The following NAV3 variants were observed in gnomAD, a reference collection of about 807,000 sequenced individuals.
The protein encoded by NAV3 is neuron navigator 3, also known as pore membrane and/or filament interacting like protein 1.
A neutral mutation model predicts 244.7 loss-of-function variants in NAV3; 87 were observed. The ratio of observed to expected loss-of-function variants is 0.36; its 90% CI spans 0.30 to 0.42. The LOEUF (loss-of-function observed/expected upper bound fraction) is 0.42. Among genes scored for constraint, NAV3 ranks in the 20% least tolerant of loss-of-function variants. The pLI, the probability that NAV3 is intolerant of heterozygous loss-of-function variation, is 1.00. For synonymous variants in NAV3, 1,126 were observed against 1,042.2 expected (o/e 1.08, Z -1.55); for missense variants, 2,663 against 2,893.3 (o/e 0.92, Z 1.83).
chr12:77,994,857 A>G lies in NAV3; in HGVS notation c.726A>G (p.Gln242=). The change falls in exon 6 of 40, where the codon CAA becomes CAG. Residue 242 remains glutamine, a synonymous_variant. Coordinates refer to ENST00000397909, the MANE Select transcript of NAV3 (RefSeq NM_001024383.2). The part of the protein sequence containing the change: ...QSNHSGIATS[Q]KKPTRLPGPS... Reference sequence around the variant, plus strand: ...ATCACAGTGGAATTGCAACCAGTCAAAAAAAGCCTACTAGGTCAGTTAATA... The same window carrying G: ...ATCACAGTGGAATTGCAACCAGTCAGAAAAAGCCTACTAGGTCAGTTAATA... The G allele has an allele frequency of 6.2e-7, 1 of 1,608,934 alleles. No individual in the cohort carries two copies. The highest frequency in any genetic ancestry group is 8.5e-7 in the Non-Finnish European group (1 of 1,177,056).
intron 2 of NAV3, among the ~76,000 whole-genome samples, chr12:77,673,028 G>T (rs545131892): frequency 3.8e-4 from 58 of 152,242 alleles, no homozygotes; most frequent in African/African-American, 1.4e-3. Flanking sequence ...AATTCTTAGT[G>T]TTGTAGAAAG....
At chr12:77,971,833 C>T (rs1218108140) in intron 5 of NAV3, among the ~76,000 whole-genome samples, 1 of 152,040 alleles carries the variant, frequency 6.6e-6, no homozygotes, top group Admixed American at 6.6e-5. Context: ...TCTTAGGGCA[C>T]ATTGTTTCAG....
intron 2 of NAV3, among the ~76,000 whole-genome samples, chr12:77,617,622 G>A (rs1208263237): frequency 2.0e-5 from 3 of 152,218 alleles, no homozygotes; most frequent in Non-Finnish European, 4.4e-5. Context: ...AAGGAGACAG[G>A]AGGGATCCTC....
intron 1 of NAV3, among the ~76,000 whole-genome samples, chr12:77,869,763 T>C (rs1316338578): frequency 6.6e-6 from 1 of 152,226 alleles, no homozygotes; most frequent in African/African-American, 2.4e-5. Flanking sequence ...ATATTTATTG[T>C]TTTAATTATC....
intron 1 of NAV3, among the ~76,000 whole-genome samples, chr12:77,903,353 A>T (rs1885547633): frequency 6.6e-6 from 1 of 152,186 alleles, no homozygotes. Flanking sequence ...ATCTACAACC[A>T]TCTGATCTTT....
chr12:78,050,351 C>T (rs1351403302), intron 10 of NAV3, among the ~76,000 whole-genome samples: 1 of 152,034 alleles, frequency 6.6e-6, no homozygotes, highest in South Asian at 2.1e-4. Flanking sequence ...CTGCAACTAC[C>T]ACCATCACTG....
intron 1 of NAV3, among the ~76,000 whole-genome samples, chr12:77,904,406 A>G (rs1472093653): frequency 1.3e-5 from 2 of 152,150 alleles, no homozygotes; most frequent in African/African-American, 4.8e-5. Flanking sequence ...AAAAAACCAA[A>G]CACCGCATGT....
intron 12 of NAV3, chr12:78,088,762 C>T (rs1953769385): frequency 6.6e-6 from 1 of 152,136 alleles, no homozygotes; most frequent in African/African-American, 2.4e-5. Context: ...AGATGGGCTG[C>T]TTACCCAGAA....
At chr12:77,840,194 C>A (rs942008459) in intron 1 of NAV3, among the ~76,000 whole-genome samples, 4 of 152,036 alleles carry the variant, frequency 2.6e-5, no homozygotes, top group African/African-American at 9.7e-5. Context: ...GTTTATAAAC[C>A]TACAGGTTAC....
rs867485230 is a variant in NAV3 at position 78,212,654 on chromosome 12, A to G, written c.*2137A>G. The G allele has an allele frequency of 5.2e-5, 8 of 152,624 alleles. No individual in the cohort carries two copies. Among genetic ancestry groups the G allele is most frequent in the African/African-American group, 1.9e-4 (8 of 41,452 alleles). The allele number at this position is 152,624 out of a possible 1,614,324, so 9.5% of individuals were successfully genotyped here. On this transcript the variant is annotated 3_prime_UTR_variant, in exon 40 of 40. Coordinates refer to ENST00000397909, the MANE Select transcript of NAV3 (RefSeq NM_001024383.2). ...CTGCCATTTTGAGAAACACAGTCCA[A>G]ACATGAGCATAAACAGAATTTCCTG...
At chr12:77,714,731 TTA>T (rs1876283600) in intron 2 of NAV3, among the ~76,000 whole-genome samples, 1 of 152,166 alleles carries the variant, frequency 6.6e-6, no homozygotes, top group Non-Finnish European at 1.5e-5. Context: ...GTTTCTAATC[TTA>T]TGTCTTTCCT....
chr12:77,798,313 C>G (rs1871532334), intron 2 of NAV3, among the ~76,000 whole-genome samples: 2 of 152,090 alleles, frequency 1.3e-5, no homozygotes, highest in South Asian at 4.1e-4. Flanking sequence ...TAAAGGCAAG[C>G]TGAAATTAAG....
At chr12:78,171,749 A>G (rs1958009259) in intron 24 of NAV3, among the ~76,000 whole-genome samples, 1 of 151,512 alleles carries the variant, frequency 6.6e-6, no homozygotes, top group African/African-American at 2.4e-5. Flanking sequence ...TATACTGGAA[A>G]TCACATTGAA....
chr12:77,892,925 GT>G (rs1884122830), intron 1 of NAV3, among the ~76,000 whole-genome samples: 2 of 152,128 alleles, frequency 1.3e-5, no homozygotes, highest in South Asian at 4.1e-4. Context: ...ATAATTGTTG[GT>G]GGGTAACTAA....
intron 2 of NAV3, among the ~76,000 whole-genome samples, chr12:77,725,745 A>G (rs1159603689): frequency 1.3e-5 from 2 of 151,954 alleles, no homozygotes; most frequent in Non-Finnish European, 2.9e-5. Context: ...AAAAATGTTT[A>G]TCTTACTGTT....
chr12:77,787,448 C>T (rs1325000341), intron 2 of NAV3, among the ~76,000 whole-genome samples: 1 of 152,088 alleles, frequency 6.6e-6, no homozygotes, highest in Non-Finnish European at 1.5e-5. Flanking sequence ...GCTGGGGAGA[C>T]CTCAGGAAAC....
chr12:77,831,403 T>A lies in NAV3; in HGVS notation c.-59T>A, dbSNP rs1023414558. The A allele has an allele frequency of 6.6e-7, 1 of 1,511,876 alleles. No homozygotes were observed. The highest frequency in any genetic ancestry group is 2.3e-5 in the East Asian group (1 of 43,452). 93.7% of individuals were successfully genotyped at this position (1,511,876 alleles called of 1,614,324 possible). ...TTCTGGAAATACTAAAGTTGGAGTC[T>A]ACCAGACTGAGGTTAGAAGCATTTT... On this transcript the variant is annotated 5_prime_UTR_variant, in exon 1 of 40. Coordinates refer to ENST00000397909, the MANE Select transcript of NAV3 (RefSeq NM_001024383.2).
chr12:77,873,744 G>GTGTGTATATATATATATATATATATA (rs776225440), intron 1 of NAV3, among the ~76,000 whole-genome samples: 2 of 73,182 alleles, frequency 2.7e-5, no homozygotes, highest in African/African-American at 4.5e-5. Context: ...ATGTGTGTGT[G>GTGTGTATATATATATATATATATATA]TATATATATA....
chr12:77,578,530 A>G (rs539978417), intron 2 of NAV3, among the ~76,000 whole-genome samples: 1 of 152,330 alleles, frequency 6.6e-6, no homozygotes, highest in African/African-American at 2.4e-5. Context: ...CAGGAAACCT[A>G]AACTATGACA....
Sources: gnomAD v4.1 joint callset for allele counts (sites outside exome capture counted in the v4.1 genomes callset) on GRCh38, gnomAD v4.1.1 for gene constraint, MANE v1.5 for transcripts, NCBI Gene and HGNC (gene_info 2026-07-23, HGNC 2026-07-21) for gene names.